Variants in COL19A1 observed in about 807,000 individuals in gnomAD.
The protein encoded by COL19A1 is collagen alpha-1(XIX) chain.
COL19A1 carries 159 observed loss-of-function variants against 190.2 expected under a neutral mutation model. The observed-to-expected ratio is 0.84, with a 90% confidence interval of 0.73 to 0.95. COL19A1 has a LOEUF of 0.95. Ranked by LOEUF, COL19A1 falls within the 40% of genes least tolerant of loss-of-function variation. The probability of loss-of-function intolerance (pLI) is 0.00; values close to 1 mark genes in which losing one functional copy is unlikely to be tolerated. For synonymous variants in COL19A1, 509 were observed against 458.9 expected, an observed-to-expected ratio of 1.11 and a Z score of -1.39; for missense variants, 1,418 against 1,431.9, an observed-to-expected ratio of 0.99 and a Z score of 0.16.
chr6:69,989,709 C>T (rs1776513537), intron 11 of COL19A1, among the ~76,000 whole-genome samples: 2 of 152,068 alleles, frequency 1.3e-5, no homozygotes, highest in Admixed American at 6.6e-5. Context: ...GCTCAATAGC[C>T]ACAGAATTAG....
intron 14 of COL19A1, among the ~76,000 whole-genome samples, chr6:70,055,149 A>T (rs1032101721): frequency 3.3e-5 from 5 of 152,210 alleles, no homozygotes; most frequent in African/African-American, 9.6e-5. Flanking sequence ...CATTTAAAAA[A>T]TATAAAGTAA....
intron 23 of COL19A1, 140 bp downstream of exon 23, chr6:70,142,960 A>T: frequency 1.5e-6 from 1 of 680,650 alleles, no homozygotes; most frequent in Non-Finnish European, 2.5e-6. Context: ...AAAACTGATC[A>T]TACCTAATGT....
At chr6:70,061,022 G>A (rs747649240) in intron 14 of COL19A1, among the ~76,000 whole-genome samples, 1 of 152,080 alleles carries the variant, frequency 6.6e-6, no homozygotes, top group Non-Finnish European at 1.5e-5. Flanking sequence ...CTCTATCCAA[G>A]TTCAATTTAC....
At chr6:70,092,023 T>C (rs564546278) in intron 15 of COL19A1, among the ~76,000 whole-genome samples, 1 of 152,258 alleles carries the variant, frequency 6.6e-6, no homozygotes, top group Admixed American at 6.5e-5. Context: ...TTAAAGGTCA[T>C]CGATACATTT....
At chr6:70,141,199 A>G (rs1056817537) in intron 20 of COL19A1, among the ~76,000 whole-genome samples, 4 of 152,124 alleles carry the variant, frequency 2.6e-5, no homozygotes, top group African/African-American at 9.6e-5. Context: ...AGGAGACTTC[A>G]ACATTGGTTT....
rs112780773 is a variant in COL19A1 at position 69,896,431 on chromosome 6, G to A, written c.92-2517G>A. ...GGGTGCCTGTAGTCCCAGCTACTCTGGAGGCTGAGGCAGGAGAATGGCGTG... is the reference window on the plus strand; with the variant it reads ...GGGTGCCTGTAGTCCCAGCTACTCTAGAGGCTGAGGCAGGAGAATGGCGTG... On this transcript the variant is annotated intron_variant, in intron 2 of 50. Coordinates refer to ENST00000620364, the MANE Select transcript of COL19A1 (RefSeq NM_001858.6). 7.9e-3 allele frequency among the ~76,000 whole-genome samples: 1,191 copies of A among 151,482 alleles called. 16 individuals carry two copies. The highest frequency in any genetic ancestry group is 0.025 in the African/African-American group (1,019 of 41,170).
At chr6:70,202,605 G>A (rs574297819) in intron 49 of COL19A1, among the ~76,000 whole-genome samples, 12 of 152,254 alleles carry the variant, frequency 7.9e-5, no homozygotes, top group African/African-American at 2.2e-4. Context: ...GGTTTCATAA[G>A]GTTTCCTGTG....
chr6:70,181,680 C>CACACAG (rs1035604668), intron 44 of COL19A1, among the ~76,000 whole-genome samples: 2 of 151,340 alleles, frequency 1.3e-5, no homozygotes, highest in African/African-American at 4.9e-5. Flanking sequence ...CACACACACA[C>CACACAG]AGAGTTTCAA....
At chr6:70,002,066 T>G (rs1460206801) in intron 11 of COL19A1, among the ~76,000 whole-genome samples, 6 of 152,040 alleles carry the variant, frequency 3.9e-5, no homozygotes, top group Admixed American at 6.5e-5. Context: ...TTGAGGGTTT[T>G]TAACATGAAG....
chr6:70,016,363 T>TAA (rs1778084887), intron 11 of COL19A1, among the ~76,000 whole-genome samples: 1 of 30,704 alleles, frequency 3.3e-5, no homozygotes, highest in Non-Finnish European at 6.0e-5. Context: ...ACTTAGAGTA[T>TAA]AATAAAAAAA....
At chr6:69,908,655 T>C (rs887253082) in intron 4 of COL19A1, among the ~76,000 whole-genome samples, 1 of 152,186 alleles carries the variant, frequency 6.6e-6, no homozygotes, top group Non-Finnish European at 1.5e-5. Flanking sequence ...ATATGAAATA[T>C]TATTAGTTCA....
Position 69,955,521 on chromosome 6 carries a change from A to ATG in COL19A1, c.937-4475_937-4474insTG, listed in dbSNP as rs1774361062. Reference sequence around the variant, plus strand: ...ACAAAACTGTATAGTAGCCACAGCAAAGTGTGTGTGTGTGTGTGTGTGTGT... The same window carrying ATG: ...ACAAAACTGTATAGTAGCCACAGCAATGAGTGTGTGTGTGTGTGTGTGTGTGT... On this transcript the variant is annotated intron_variant, in intron 9 of 50. Coordinates refer to ENST00000620364, the MANE Select transcript of COL19A1 (RefSeq NM_001858.6). Among the ~76,000 whole-genome samples, 12 of 129,794 alleles carry ATG rather than the reference A, an allele frequency of 9.2e-5. No individual in the cohort carries two copies. The South Asian group carries it at 2.5e-3, about 28-fold the overall frequency. 85.1% of individuals were successfully genotyped at this position (129,794 alleles called of 152,430 possible).
chr6:69,991,427 T>A (rs1030138634), intron 11 of COL19A1, among the ~76,000 whole-genome samples: 1 of 152,034 alleles, frequency 6.6e-6, no homozygotes, highest in African/African-American at 2.4e-5. Context: ...GATTGCTGGG[T>A]CTAATGGTAG....
chr6:70,155,982 G>A (rs907086012), intron 31 of COL19A1, 145 bp from the exon 32 acceptor site: 9 of 585,920 alleles, frequency 1.5e-5, no homozygotes, highest in Non-Finnish European at 2.3e-5. Flanking sequence ...TTTTTAAATT[G>A]GATACATCAA....
chr6:69,896,076 C>G (rs763027325), intron 2 of COL19A1, among the ~76,000 whole-genome samples: 8 of 151,834 alleles, frequency 5.3e-5, no homozygotes, highest in Non-Finnish European at 1.2e-4. Context: ...AATTTCCATT[C>G]TCATAAGCAA....
intron 4 of COL19A1, among the ~76,000 whole-genome samples, chr6:69,913,640 G>A (rs1444788519): frequency 6.6e-6 from 1 of 152,126 alleles, no homozygotes; most frequent in African/African-American, 2.4e-5. Context: ...AATCCCATGT[G>A]GTTAATGAAC....
rs1468696835 is a variant in COL19A1, at chr6:69,983,262, G to C, written c.1026+20392G>C. Among the ~76,000 whole-genome samples, 3 of 151,960 alleles carry C rather than the reference G, an allele frequency of 2.0e-5. No individual in the cohort carries two copies. In the East Asian group the frequency reaches 5.8e-4, roughly 29 times the overall value. ...TCGTTAGATTTATGACTAGGTATTT[G>C]ACGTTTTTGATGCTATTTTGAATAC... On this transcript the variant is annotated intron_variant, in intron 11 of 50. Transcript: ENST00000620364.
chr6:70,004,239 C>G (rs985847295), intron 11 of COL19A1, among the ~76,000 whole-genome samples: 7 of 152,138 alleles, frequency 4.6e-5, no homozygotes, highest in African/African-American at 1.7e-4. Context: ...GCTGAAAGGT[C>G]TGCTGTTAGT....
chr6:70,028,920 G>C (rs9346369), intron 12 of COL19A1, among the ~76,000 whole-genome samples: 32,854 of 151,966 alleles, frequency 0.22, 5,114 homozygotes, highest in African/African-American at 0.44. Flanking sequence ...ATAGGTACAT[G>C]TTTTTATTTA....
Sources: gnomAD v4.1 joint callset for allele counts (sites outside exome capture counted in the v4.1 genomes callset) on GRCh38, gnomAD v4.1.1 for gene constraint, MANE v1.5 for transcripts, NCBI Gene and HGNC (gene_info 2026-07-23, HGNC 2026-07-21) for gene names.